The following CD74 variants were observed in gnomAD, a reference collection of about 807,000 sequenced individuals.
CD74 encodes CD74 molecule.
CD74 carries 20 observed loss-of-function variants against 37.1 expected under a neutral mutation model. The ratio of observed to expected loss-of-function variants is 0.54; its 90% CI spans 0.38 to 0.78. The LOEUF (loss-of-function observed/expected upper bound fraction) is 0.78, where lower values mean the gene tolerates loss of function less well. CD74 is among the 30% of genes least tolerant of loss of function. The pLI, the probability that CD74 is intolerant of heterozygous loss-of-function variation, is 0.00. For missense variants in CD74, 338 were observed against 389.5 expected (o/e 0.87, Z 1.11); for synonymous variants, 150 against 152.0 (o/e 0.99, Z 0.10).
chr5:150,409,415 T>C (rs1174153456), intron 1 of CD74, among the ~76,000 whole-genome samples: 5 of 151,828 alleles, frequency 3.3e-5, no homozygotes, highest in Non-Finnish European at 5.9e-5. Context: ...TAATCCCAGC[T>C]ACTCGGGAGG....
chr5:150,404,816 C>T (rs2151177490), intron 5 of CD74, 49 bp from the exon 6 acceptor site: 2 of 1,261,240 alleles, frequency 1.6e-6, no homozygotes, highest in Non-Finnish European at 2.3e-6. Context: ...CCACCAAGCC[C>T]CTACACTGCC....
At position 150,403,348 on chromosome 5, in the gene CD74, A is replaced by G. The variant is rs2151170533; in HGVS notation, c.626-36T>C. 1.9e-6 allele frequency: 3 copies of G among 1,586,916 alleles called. No individual in the cohort carries two copies. The highest frequency in any genetic ancestry group is 2.6e-6 in the Non-Finnish European group (3 of 1,155,338). ...AGGCATGATGAGGACACAGTGAGTG[A>G]GTGAGCTCTGAACCAGGGTCTGAGC... On this transcript the variant is annotated intron_variant, in intron 6 of 8. Coordinates refer to ENST00000009530, the MANE Select transcript of CD74 (RefSeq NM_001025159.3). This position sits in a 1 kb window ranked among gnomAD's most constrained non-coding sequence, Gnocchi z 4.5.
Position 150,402,282 on chromosome 5 carries a change from G to T in CD74, c.881-32C>A, listed in dbSNP as rs1444038974. ...AGAGAAGCAGCAGGTTGAGGTTGGG[G>T]TCACCCATTTGTTGTCCCTGCCCCT... On this transcript the variant is annotated intron_variant, in intron 8 of 8. Transcript: ENST00000009530. This position sits in a 1 kb window ranked among gnomAD's most constrained non-coding sequence, Gnocchi z 4.2. 6.5e-7 allele frequency: 1 copy of T among 1,532,600 alleles called. No individual in the cohort carries two copies. The highest frequency in any genetic ancestry group is 9.0e-7 in the Non-Finnish European group (1 of 1,114,786). The allele number at this position is 1,532,600 out of a possible 1,614,324, so 94.9% of individuals were successfully genotyped here.
chr5:150,412,886 G>A lies in CD74; in HGVS notation c.-137C>T, dbSNP rs1328434116. 6.6e-7 allele frequency: 1 copy of A among 1,523,474 alleles called. No individual in the cohort carries two copies. Among genetic ancestry groups the A allele is most frequent in the African/African-American group, 1.4e-5 (1 of 72,856 alleles). 94.4% of individuals were successfully genotyped at this position (1,523,474 alleles called of 1,614,324 possible). Reference sequence around the variant, plus strand: ...AAGGCTGGAAATACCCCACTTTGGTGAAGCTGCCTTTTGCGGGGCAGGATG... The same window carrying A: ...AAGGCTGGAAATACCCCACTTTGGTAAAGCTGCCTTTTGCGGGGCAGGATG... On this transcript the variant is annotated 5_prime_UTR_variant, in exon 1 of 9. Transcript: ENST00000009530.
chr5:150,402,020 C>T lies in CD74; in HGVS notation c.*220G>A, dbSNP rs1769644544. On this transcript the variant is annotated 3_prime_UTR_variant, in exon 9 of 9. Coordinates refer to ENST00000009530, the MANE Select transcript of CD74 (RefSeq NM_001025159.3). The surrounding 1 kb of genome is among the most constrained non-coding windows in gnomAD (Gnocchi z 4.2). The stretch of plus-strand genomic sequence containing the variant: ...TGGCCACTTCCTGGGACCTCACGCC[C>T]CTGTTGACAGATGGAGATTGGGCAG... 6.5e-7 allele frequency: 1 copy of T among 1,534,494 alleles called. No individual in the cohort carries two copies. The highest frequency in any genetic ancestry group is 2.0e-5 in the Admixed American group (1 of 50,976).
At chr5:150,406,701 C>G in intron 3 of CD74, 180 bp downstream of exon 3, 1 of 591,786 alleles carries the variant, frequency 1.7e-6, no homozygotes, top group Non-Finnish European at 3.1e-6. Context: ...CACCAAGAGA[C>G]TCTTCACCTG....
chr5:150,411,811 T>A (rs1770356879), intron 1 of CD74, among the ~76,000 whole-genome samples: 2 of 152,182 alleles, frequency 1.3e-5, no homozygotes, highest in African/African-American at 4.8e-5. Flanking sequence ...GATGTCTCCA[T>A]CTACTCTACA....
At position 150,402,469 on chromosome 5, in the gene CD74, G is replaced by T. The variant is rs2151166837; in HGVS notation, c.880+94C>A. The T allele has an allele frequency of 9.0e-7, 1 of 1,106,570 alleles. No individual in the cohort carries two copies. The highest frequency in any genetic ancestry group is 1.4e-6 in the Non-Finnish European group (1 of 717,284). The allele number at this position is 1,106,570 out of a possible 1,614,324, so 68.5% of individuals were successfully genotyped here. On this transcript the variant is annotated intron_variant, in intron 8 of 8. Coordinates refer to ENST00000009530, the MANE Select transcript of CD74 (RefSeq NM_001025159.3). The surrounding 1 kb of genome is among the most constrained non-coding windows in gnomAD (Gnocchi z 4.2). The stretch of plus-strand genomic sequence containing the variant: ...GACATCCCAGGAATGTTGGAGAGTG[G>T]CCCAGCGTCACACTCCTTCACCTGC...
At position 150,402,464 on chromosome 5, in the gene CD74, G is replaced by T. The variant is rs761527940; in HGVS notation, c.880+99C>A. On this transcript the variant is annotated intron_variant, in intron 8 of 8. Coordinates refer to ENST00000009530, the MANE Select transcript of CD74 (RefSeq NM_001025159.3). This position sits in a 1 kb window ranked among gnomAD's most constrained non-coding sequence, Gnocchi z 4.2. The stretch of plus-strand genomic sequence containing the variant: ...AAATGGACATCCCAGGAATGTTGGA[G>T]AGTGGCCCAGCGTCACACTCCTTCA... 1 of 1,074,130 alleles carries T rather than the reference G, an allele frequency of 9.3e-7. No homozygotes were observed. The highest frequency in any genetic ancestry group is 1.5e-6 in the Non-Finnish European group (1 of 688,084). 66.5% of individuals were successfully genotyped at this position (1,074,130 alleles called of 1,614,324 possible). A position where few individuals can be genotyped will look rare whatever the true frequency, so the allele number is the denominator to read the frequency against.
chr5:150,406,652 T>A, intron 3 of CD74: 1 of 588,536 alleles, frequency 1.7e-6, no homozygotes, highest in Non-Finnish European at 3.0e-6. Context: ...AGAAGCACTT[T>A]GTAAACTGTA....
Position 150,402,805 on chromosome 5 carries a change from GATGAA to G in CD74, c.818-185_818-181del, listed in dbSNP as rs996221175. ...ATGGGGGCTCGAGTGAGAAGGGGGT[GATGAA>G]ATGAGATGGGTGGGTCTGTAGGACT... On this transcript the variant is annotated intron_variant, in intron 7 of 8. Coordinates refer to ENST00000009530, the MANE Select transcript of CD74 (RefSeq NM_001025159.3). The surrounding 1 kb of genome is among the most constrained non-coding windows in gnomAD (Gnocchi z 4.2). 5.3e-5 allele frequency among the ~76,000 whole-genome samples: 8 copies of G among 152,248 alleles called. No homozygotes were observed. The highest frequency in any genetic ancestry group is 9.6e-5 in the African/African-American group (4 of 41,472).
chr5:150,408,709 C>A (rs1258911263), intron 1 of CD74, among the ~76,000 whole-genome samples: 1 of 152,168 alleles, frequency 6.6e-6, no homozygotes, highest in East Asian at 1.9e-4. Flanking sequence ...CCTGCCCCTA[C>A]ACCCCAGGAG....
Position 150,402,488 on chromosome 5 carries a change from C to T in CD74, c.880+75G>A, listed in dbSNP as rs760083462. ...AGAGTGGCCCAGCGTCACACTCCTT[C>T]ACCTGCCCACAAAGGAGCTGGCCCT... On this transcript the variant is annotated intron_variant, in intron 8 of 8. Coordinates refer to ENST00000009530, the MANE Select transcript of CD74 (RefSeq NM_001025159.3). The surrounding 1 kb of genome is among the most constrained non-coding windows in gnomAD (Gnocchi z 4.2). 12 of 1,275,988 alleles carry T rather than the reference C, an allele frequency of 9.4e-6. No homozygotes were observed. Among genetic ancestry groups the T allele is most frequent in the Admixed American group, 3.4e-5 (2 of 59,528 alleles). The allele number at this position is 1,275,988 out of a possible 1,614,324, so 79.0% of individuals were successfully genotyped here.
chr5:150,406,822 C>T (rs1769989799), intron 3 of CD74, 59 bp downstream of exon 3: 2 of 1,193,782 alleles, frequency 1.7e-6, no homozygotes, highest in Admixed American at 6.1e-5. Context: ...CCCCTTGGCA[C>T]TGTCCTCCAT....
intron 1 of CD74, among the ~76,000 whole-genome samples, 195 bp downstream of exon 1, chr5:150,412,430 C>T (rs1770398165): frequency 6.6e-6 from 1 of 152,180 alleles, no homozygotes; most frequent in Non-Finnish European, 1.5e-5. Flanking sequence ...TTAAAGGAAC[C>T]CCCTCATTTG....
At chr5:150,412,537 G>A in intron 1 of CD74, 88 bp downstream of exon 1, 1 of 997,098 alleles carries the variant, frequency 1.0e-6, no homozygotes, top group Admixed American at 1.8e-5. Context: ...CCTCTTTCCT[G>A]TGACTCCTGG....
chr5:150,406,146 A>G, intron 4 of CD74, 113 bp downstream of exon 4: 2 of 793,914 alleles, frequency 2.5e-6, no homozygotes, highest in East Asian at 2.4e-5. Flanking sequence ...TCAGTAATCC[A>G]GAGAGCACAT....
At chr5:150,406,474 A>T (rs912694055) in intron 3 of CD74, among the ~76,000 whole-genome samples, 153 bp from the exon 4 acceptor site, 2 of 152,180 alleles carry the variant, frequency 1.3e-5, no homozygotes, top group African/African-American at 2.4e-5. Context: ...TGAGAGCTCG[A>T]GCAAGTCACT....
chr5:150,402,323 C>G lies in CD74; in HGVS notation c.881-73G>C, dbSNP rs2151166230. The G allele has an allele frequency of 8.5e-7, 1 of 1,175,772 alleles. No homozygotes were observed. Among genetic ancestry groups the G allele is most frequent in the Non-Finnish European group, 1.2e-6 (1 of 800,240 alleles). The allele number at this position is 1,175,772 out of a possible 1,614,324, so 72.8% of individuals were successfully genotyped here. Reference sequence around the variant, plus strand: ...CCCTGCCCCTTTCTAACATCCTGGACCTGCAGAGCAGTTAAGGACTGTCCA... The same window carrying G: ...CCCTGCCCCTTTCTAACATCCTGGAGCTGCAGAGCAGTTAAGGACTGTCCA... On this transcript the variant is annotated intron_variant, in intron 8 of 8. Coordinates refer to ENST00000009530, the MANE Select transcript of CD74 (RefSeq NM_001025159.3). The surrounding 1 kb of genome is among the most constrained non-coding windows in gnomAD (Gnocchi z 4.2).
Sources: allele counts gnomAD v4.1 joint callset (sites outside exome capture counted in the v4.1 genomes callset), GRCh38; gene constraint gnomAD v4.1.1; non-coding constraint Gnocchi (gnomAD v3.1); transcripts MANE v1.5; gene names NCBI Gene and HGNC (gene_info 2026-07-23, HGNC 2026-07-21).